The following THSD7A variants were observed in gnomAD, a reference collection of about 807,000 sequenced individuals.
THSD7A encodes thrombospondin type-1 domain-containing protein 7A.
A neutral mutation model predicts 231.3 loss-of-function variants in THSD7A; 96 were observed. That is an observed-to-expected ratio of 0.41 (90% CI 0.35 to 0.49). The LOEUF is 0.49. Ranked by LOEUF, THSD7A falls within the 20% of genes least tolerant of loss-of-function variation. The probability of loss-of-function intolerance (pLI) is 0.05; values close to 1 mark genes in which losing one functional copy is unlikely to be tolerated. For missense variants in THSD7A, 2,290 were observed against 2,070.2 expected (o/e 1.11, Z -2.06); for synonymous variants, 940 against 743.3 (o/e 1.26, Z -4.30).
At chr7:11,520,253 C>G (rs1319550254) in intron 6 of THSD7A, 1 of 152,148 alleles carries the variant, frequency 6.6e-6, no homozygotes, top group Non-Finnish European at 1.5e-5. Context: ...ATCTAAGTTT[C>G]TTAATCTCAT....
intron 1 of THSD7A, among the ~76,000 whole-genome samples, chr7:11,670,201 T>C (rs1167649908): frequency 6.6e-6 from 1 of 151,696 alleles, no homozygotes; most frequent in Non-Finnish European, 1.5e-5. Flanking sequence ...GTATGGAGAG[T>C]GGGATATAAG....
rs1431523880 is a variant in THSD7A at position 11,772,201 on chromosome 7, G to A, written c.190+59556C>T. Among the ~76,000 whole-genome samples the A allele has an allele frequency of 3.3e-5, 4 of 120,110 alleles. No individual in the cohort carries two copies. In the Admixed American group the frequency reaches 3.5e-4, roughly 11 times the overall value. 78.8% of individuals were successfully genotyped at this position (120,110 alleles called of 152,430 possible). A position where few individuals can be genotyped will look rare whatever the true frequency, so the allele number is the denominator to read the frequency against. ...CAGTCAGAATTATTATTATTAAAAAGTTAAAACAAAAAAAAACAAAACAAA... is the reference window on the plus strand; with the variant it reads ...CAGTCAGAATTATTATTATTAAAAAATTAAAACAAAAAAAAACAAAACAAA... On this transcript the variant is annotated intron_variant, in intron 1 of 27. Coordinates refer to ENST00000423059, the MANE Select transcript of THSD7A (RefSeq NM_015204.3).
At chr7:11,514,729 A>G (rs768914969) in intron 6 of THSD7A, among the ~76,000 whole-genome samples, 1 of 152,190 alleles carries the variant, frequency 6.6e-6, no homozygotes, top group Admixed American at 6.5e-5. Flanking sequence ...ATTATTCAGT[A>G]ATATTAAACA....
At chr7:11,559,202 G>A (rs1241020053) in intron 4 of THSD7A, among the ~76,000 whole-genome samples, 1 of 152,112 alleles carries the variant, frequency 6.6e-6, no homozygotes, top group East Asian at 1.9e-4. Context: ...CTCCCCTAGA[G>A]CCTCCAGAAA....
intron 1 of THSD7A, among the ~76,000 whole-genome samples, chr7:11,677,321 A>G (rs904172955): frequency 6.6e-6 from 1 of 152,092 alleles, no homozygotes; most frequent in African/African-American, 2.4e-5. Flanking sequence ...ACATACAAAA[A>G]TGTAAAGACC....
intron 1 of THSD7A, among the ~76,000 whole-genome samples, chr7:11,738,929 A>G (rs535380810): frequency 6.6e-6 from 1 of 152,156 alleles, no homozygotes; most frequent in South Asian, 2.1e-4. Flanking sequence ...GGTTCTTTTA[A>G]GCCACTAAAT....
rs1467205989 is a variant in THSD7A, at chr7:11,370,557, G to A, written c.*5237C>T. 6.6e-6 allele frequency: 1 copy of A among 152,090 alleles called. No homozygotes were observed. Among genetic ancestry groups the A allele is most frequent in the Non-Finnish European group, 1.5e-5 (1 of 68,026 alleles). 9.4% of individuals were successfully genotyped at this position (152,090 alleles called of 1,614,324 possible). On this transcript the variant is annotated 3_prime_UTR_variant, in exon 28 of 28. Coordinates refer to ENST00000423059, the MANE Select transcript of THSD7A (RefSeq NM_015204.3). Reference sequence around the variant, plus strand: ...ATGCCATCTGTATTGACTGAATAAAGCTTAGTGACATTATTTGCAAATCTG... The same window carrying A: ...ATGCCATCTGTATTGACTGAATAAAACTTAGTGACATTATTTGCAAATCTG...
At chr7:11,682,413 A>G (rs1783903375) in intron 1 of THSD7A, among the ~76,000 whole-genome samples, 1 of 152,102 alleles carries the variant, frequency 6.6e-6, no homozygotes, top group African/African-American at 2.4e-5. Context: ...AGAAAGATCT[A>G]CCACGGAAAC....
chr7:11,801,932 A>G (rs903620679), intron 1 of THSD7A, among the ~76,000 whole-genome samples: 1 of 152,202 alleles, frequency 6.6e-6, no homozygotes, highest in African/African-American at 2.4e-5. Flanking sequence ...GACATAAATT[A>G]TTTTACTATT....
At chr7:11,802,605 A>G (rs1200745286) in intron 1 of THSD7A, among the ~76,000 whole-genome samples, 1 of 152,144 alleles carries the variant, frequency 6.6e-6, no homozygotes, top group African/African-American at 2.4e-5. Flanking sequence ...TAAGTTATAT[A>G]TTCTGGTTCT....
At position 11,370,778 on chromosome 7, in the gene THSD7A, C is replaced by G. The variant is rs1782022085; in HGVS notation, c.*5016G>C. 3 of 151,936 alleles carry G rather than the reference C, an allele frequency of 2.0e-5. No homozygotes were observed. Among genetic ancestry groups the G allele is most frequent in the African/African-American group, 7.2e-5 (3 of 41,382 alleles). 9.4% of individuals were successfully genotyped at this position (151,936 alleles called of 1,614,324 possible). A position where few individuals can be genotyped will look rare whatever the true frequency, so the allele number is the denominator to read the frequency against. ...TAGGGAATAATAATTTATAGAAAGACAGATTGCAAATTTTAATAAAGTTAT... is the reference window on the plus strand; with the variant it reads ...TAGGGAATAATAATTTATAGAAAGAGAGATTGCAAATTTTAATAAAGTTAT... On this transcript the variant is annotated 3_prime_UTR_variant, in exon 28 of 28. Transcript: ENST00000423059.
chr7:11,628,506 T>G (rs1190482308), intron 2 of THSD7A, among the ~76,000 whole-genome samples: 2 of 152,180 alleles, frequency 1.3e-5, no homozygotes, highest in African/African-American at 4.8e-5. Flanking sequence ...CCTGCCAACC[T>G]CCTTCCAGGA....
chr7:11,707,738 C>G (rs145487605), intron 1 of THSD7A, among the ~76,000 whole-genome samples: 40 of 150,938 alleles, frequency 2.7e-4, no homozygotes, highest in African/African-American at 9.4e-4. Flanking sequence ...AGTACACTCT[C>G]GTTTCCATAT....
chr7:11,636,799 T>C lies in THSD7A; in HGVS notation c.353A>G (p.His118Arg). 1 of 1,613,998 alleles carries C rather than the reference T, an allele frequency of 6.2e-7. No individual in the cohort carries two copies. The highest frequency in any genetic ancestry group is 8.5e-7 in the Non-Finnish European group (1 of 1,179,892). ...CAGTCTCCAGTCGTACAACTCTTTG[T>C]GCCAATCGCAAACTTTGAAACAATT... is the stretch of plus-strand genomic sequence containing the variant. Reference protein sequence around the residue: ...QQNCFKVCDWHKELYDWRLGP... With the variant: ...QQNCFKVCDWRKELYDWRLGP... Residue 118 changes from histidine to arginine, a missense_variant, in exon 2 of 28, where the codon CAC (histidine) becomes CGC (arginine). His to Arg is a conservative substitution (Grantham distance 29, BLOSUM62 0). Coordinates refer to ENST00000423059, the MANE Select transcript of THSD7A (RefSeq NM_015204.3). This position sits in a 1 kb window ranked among gnomAD's most constrained non-coding sequence, Gnocchi z 10.0.
At chr7:11,701,157 A>G (rs1346112242) in intron 1 of THSD7A, among the ~76,000 whole-genome samples, 1 of 149,078 alleles carries the variant, frequency 6.7e-6, no homozygotes, top group Non-Finnish European at 1.5e-5. Context: ...TGTGCACAAT[A>G]TTCAAACAAG....
intron 1 of THSD7A, among the ~76,000 whole-genome samples, chr7:11,753,372 G>A (rs2128165545): frequency 6.6e-6 from 1 of 152,164 alleles, no homozygotes; most frequent in East Asian, 1.9e-4. Flanking sequence ...TTATTGCAAT[G>A]TCTACTTGTA....
intron 6 of THSD7A, among the ~76,000 whole-genome samples, chr7:11,517,376 C>T (rs763290534): frequency 5.3e-5 from 8 of 152,044 alleles, no homozygotes; most frequent in Non-Finnish European, 1.0e-4. Context: ...CCATGCCCGG[C>T]CCCCATATCA....
At chr7:11,778,145 A>G (rs1285428298) in intron 1 of THSD7A, among the ~76,000 whole-genome samples, 3 of 111,402 alleles carry the variant, frequency 2.7e-5, no homozygotes, top group Non-Finnish European at 5.2e-5. Flanking sequence ...CGACAGAGCG[A>G]GACTCCGTCT....
chr7:11,648,038 T>C (rs1443968691), intron 1 of THSD7A, among the ~76,000 whole-genome samples: 4 of 152,122 alleles, frequency 2.6e-5, no homozygotes, highest in Non-Finnish European at 5.9e-5. Context: ...TTGGATCCAC[T>C]TTCATTGAAC....
Sources: gnomAD v4.1 joint callset for allele counts (sites outside exome capture counted in the v4.1 genomes callset) on GRCh38, gnomAD v4.1.1 for gene constraint, Gnocchi (gnomAD v3.1) non-coding constraint, MANE v1.5 for transcripts, NCBI Gene and HGNC (gene_info 2026-07-23, HGNC 2026-07-21) for gene names.